Variants in KCNK12 observed in about 807,000 individuals in gnomAD.
KCNK12 encodes the protein potassium two pore domain channel subfamily K member 12.
A neutral mutation model predicts 25.3 loss-of-function variants in KCNK12; 6 were observed. The observed-to-expected ratio is 0.24, with a 90% CI of 0.13 to 0.47. KCNK12 has a LOEUF of 0.47. KCNK12 is among the 20% of genes least tolerant of loss of function. The pLI, the probability that KCNK12 is intolerant of heterozygous loss-of-function variation, is 0.99. For synonymous variants in KCNK12, 331 were observed against 311.1 expected, an observed-to-expected ratio of 1.06 and a Z score of -0.67; for missense variants, 444 against 661.7, an observed-to-expected ratio of 0.67 and a Z score of 3.61.
At chr2:47,536,330 C>A (rs531203392) in intron 1 of KCNK12, among the ~76,000 whole-genome samples, 4 of 152,170 alleles carry the variant, frequency 2.6e-5, no homozygotes, top group South Asian at 2.1e-4. Context: ...AGAGATTTAA[C>A]CCTTTGTGTT....
chr2:47,543,258 AT>A lies in KCNK12; in HGVS notation c.392-21451del, dbSNP rs75714215. ...CACCACAACAAGCACAGACACCTACATTTTTTTTTTTTTTTTTAGCTTTGAT... is the reference window on the plus strand; with the variant it reads ...CACCACAACAAGCACAGACACCTACATTTTTTTTTTTTTTTTAGCTTTGAT... On this transcript the variant is annotated intron_variant, in intron 1 of 1. Coordinates refer to ENST00000327876, the MANE Select transcript of KCNK12 (RefSeq NM_022055.2). 966 of 133,026 alleles carry A rather than the reference AT, an allele frequency of 7.3e-3. 3 individuals are homozygous for A. The highest frequency in any genetic ancestry group is 0.019 in the South Asian group (77 of 4,088). 8.2% of individuals were successfully genotyped at this position (133,026 alleles called of 1,614,324 possible).
rs1669795132 is a variant in KCNK12 at position 47,566,783 on chromosome 2, T to C, written c.391+3158A>G. On this transcript the variant is annotated intron_variant, in intron 1 of 1. Transcript: ENST00000327876. The surrounding 1 kb of genome is among the most constrained non-coding windows in gnomAD (Gnocchi z 4.1). ...CTCAAACAAGAACGTTCCCACCAAT[T>C]ATATGCATGAAATTGGTGGATATTG... 6.6e-6 allele frequency: 1 copy of C among 152,136 alleles called. No homozygotes were observed. The highest frequency in any genetic ancestry group is 1.5e-5 in the Non-Finnish European group (1 of 68,028). 9.4% of individuals were successfully genotyped at this position (152,136 alleles called of 1,614,324 possible).
chr2:47,552,445 C>G (rs547827247), intron 1 of KCNK12, among the ~76,000 whole-genome samples: 1 of 152,138 alleles, frequency 6.6e-6, no homozygotes, highest in African/African-American at 2.4e-5. Context: ...ATGAGACATG[C>G]CCACAAATCT....
rs1669290898 is a variant in KCNK12, at chr2:47,545,327, G to T, written c.392-23519C>A. ...AGTTCAGGGTCTTGCTGACTAGTTT[G>T]GCTGGAGGAAAGGCTGCAGTGAGGG... is the stretch of plus-strand genomic sequence containing the variant. On this transcript the variant is annotated intron_variant, in intron 1 of 1. Coordinates refer to ENST00000327876, the MANE Select transcript of KCNK12 (RefSeq NM_022055.2). Among the ~76,000 whole-genome samples, 3 of 152,188 alleles carry T rather than the reference G, an allele frequency of 2.0e-5. No individual in the cohort carries two copies. The South Asian group carries it at 6.2e-4, about 32-fold the overall frequency.
Position 47,556,613 on chromosome 2 carries a change from G to A in KCNK12, c.391+13328C>T, listed in dbSNP as rs1272903203. Among the ~76,000 whole-genome samples, 4 of 152,170 alleles carry A rather than the reference G, an allele frequency of 2.6e-5. No homozygotes were observed. Among genetic ancestry groups the A allele is most frequent in the Non-Finnish European group, 5.9e-5 (4 of 68,038 alleles). ...ATTCAGCTGCTTGAGGGCAGATGAAGAATACGTGGGAAGTTGGTATTTTGA... is the reference window on the plus strand; with the variant it reads ...ATTCAGCTGCTTGAGGGCAGATGAAAAATACGTGGGAAGTTGGTATTTTGA... On this transcript the variant is annotated intron_variant, in intron 1 of 1. Coordinates refer to ENST00000327876, the MANE Select transcript of KCNK12 (RefSeq NM_022055.2). This position sits in a 1 kb window ranked among gnomAD's most constrained non-coding sequence, Gnocchi z 4.8.
rs1197316369 is a variant in KCNK12 at position 47,528,599 on chromosome 2, C to A, written c.392-6791G>T. On this transcript the variant is annotated intron_variant, in intron 1 of 1. Coordinates refer to ENST00000327876, the MANE Select transcript of KCNK12 (RefSeq NM_022055.2). The surrounding 1 kb of genome is among the most constrained non-coding windows in gnomAD (Gnocchi z 4.5). ...CCACCCTGAGAATCTCCTCCTCCCC[C>A]TCAATCACACCCTGCAGAGGCGTGA... Among the ~76,000 whole-genome samples, 1 of 152,236 alleles carries A rather than the reference C, an allele frequency of 6.6e-6. No individual in the cohort carries two copies. Among genetic ancestry groups the A allele is most frequent in the Admixed American group, 6.5e-5 (1 of 15,290 alleles).
chr2:47,534,517 C>G (rs936506010), intron 1 of KCNK12, among the ~76,000 whole-genome samples: 1 of 99,616 alleles, frequency 1.0e-5, no homozygotes, highest in Admixed American at 1.1e-4. Flanking sequence ...CCCTTCTAAC[C>G]CCCCCCCCCG....
intron 1 of KCNK12, among the ~76,000 whole-genome samples, chr2:47,544,525 G>T (rs1370136841): frequency 6.6e-6 from 1 of 152,240 alleles, no homozygotes; most frequent in Non-Finnish European, 1.5e-5. Context: ...GTACTTTCTT[G>T]TCTAACTCAT....
intron 1 of KCNK12, among the ~76,000 whole-genome samples, chr2:47,558,637 C>T (rs1669598623): frequency 6.6e-6 from 1 of 152,172 alleles, no homozygotes; most frequent in Non-Finnish European, 1.5e-5. Flanking sequence ...ACGAGGCGCT[C>T]AGAATTCAGA....
In KCNK12 at chr2:47,570,429, C is replaced by T; in HGVS notation, c.-98G>A. The T allele has an allele frequency of 1.7e-6, 2 of 1,166,028 alleles. No homozygotes were observed. Among genetic ancestry groups the T allele is most frequent in the South Asian group, 4.2e-5 (1 of 23,550 alleles). The allele number at this position is 1,166,028 out of a possible 1,614,324, so 72.2% of individuals were successfully genotyped here. ...GAGCGTGAGGATGGTGGCCAGGGGT[C>T]CGGGGCCGCCGCGGAGCCCCTCGCC... On this transcript the variant is annotated 5_prime_UTR_variant, in exon 1 of 2. Transcript: ENST00000327876.
chr2:47,570,456 C>T lies in KCNK12; in HGVS notation c.-125G>A. On this transcript the variant is annotated 5_prime_UTR_variant, in exon 1 of 2. Coordinates refer to ENST00000327876, the MANE Select transcript of KCNK12 (RefSeq NM_022055.2). ...GGGGCCGCCGCGGAGCCCCTCGCCG[C>T]CTTCGCAGAGCCCCTCGTCGCCTTC... The T allele has an allele frequency of 9.9e-7, 1 of 1,012,354 alleles. No individual in the cohort carries two copies. The highest frequency in any genetic ancestry group is 5.0e-5 in the South Asian group (1 of 20,086). The allele number at this position is 1,012,354 out of a possible 1,614,324, so 62.7% of individuals were successfully genotyped here.
chr2:47,560,364 C>T lies in KCNK12; in HGVS notation c.391+9577G>A, dbSNP rs1277067440. Among the ~76,000 whole-genome samples, 1 of 152,218 alleles carries T rather than the reference C, an allele frequency of 6.6e-6. No individual in the cohort carries two copies. The highest frequency in any genetic ancestry group is 1.5e-5 in the Non-Finnish European group (1 of 68,040). ...CGAAGGATGGGAAGCAGGCAGCCCT[C>T]GCTTTAGTGTAGCCACTGACACTGC... On this transcript the variant is annotated intron_variant, in intron 1 of 1. Transcript: ENST00000327876. This position sits in a 1 kb window ranked among gnomAD's most constrained non-coding sequence, Gnocchi z 4.7.
chr2:47,511,141 A>G lies in KCNK12; in HGVS notation c.*9766T>C, dbSNP rs1668393450. ...ACAATACCAAACGAATGGACAGGAC[A>G]GAGCTGTGGGCTAGCAGGAAGGATA... On this transcript the variant is annotated 3_prime_UTR_variant, in exon 2 of 2. Coordinates refer to ENST00000327876, the MANE Select transcript of KCNK12 (RefSeq NM_022055.2). This position sits in a 1 kb window ranked among gnomAD's most constrained non-coding sequence, Gnocchi z 4.3. 6.6e-6 allele frequency among the ~76,000 whole-genome samples: 1 copy of G among 152,234 alleles called. No individual in the cohort carries two copies. The highest frequency in any genetic ancestry group is 1.5e-5 in the Non-Finnish European group (1 of 68,050).
intron 1 of KCNK12, among the ~76,000 whole-genome samples, chr2:47,526,418 A>AAG (rs1668777532): frequency 6.7e-6 from 1 of 149,720 alleles, no homozygotes; most frequent in African/African-American, 2.5e-5. Context: ...AAAAAAAAAA[A>AAG]AAGAGAAAGA....
Position 47,556,102 on chromosome 2 carries a change from C to T in KCNK12, c.391+13839G>A, listed in dbSNP as rs1239305204. On this transcript the variant is annotated intron_variant, in intron 1 of 1. Transcript: ENST00000327876. This position sits in a 1 kb window ranked among gnomAD's most constrained non-coding sequence, Gnocchi z 4.8. ...TTGACTACTCTTCTCAGAAGCTTTC[C>T]TGTAAAGGAGGGCAGAGAAATGGGA... Among the ~76,000 whole-genome samples, 2 of 152,096 alleles carry T rather than the reference C, an allele frequency of 1.3e-5. No individual in the cohort carries two copies.
chr2:47,539,128 A>G (rs912579034), intron 1 of KCNK12, among the ~76,000 whole-genome samples: 3 of 152,236 alleles, frequency 2.0e-5, no homozygotes, highest in East Asian at 3.8e-4. Flanking sequence ...CAGTAAAGAC[A>G]ATATCATCAT....
chr2:47,543,341 A>T (rs1205292587), intron 1 of KCNK12: 1 of 151,444 alleles, frequency 6.6e-6, no homozygotes, highest in African/African-American at 2.4e-5. Flanking sequence ...TGGTTTTAGG[A>T]ATCATTTTCA....
intron 1 of KCNK12, among the ~76,000 whole-genome samples, chr2:47,534,518 C>CCA (rs1424785204): frequency 1.7e-5 from 2 of 116,602 alleles, no homozygotes; most frequent in Non-Finnish European, 3.6e-5. Flanking sequence ...CCTTCTAACC[C>CCA]CCCCCCCCGC....
intron 1 of KCNK12, among the ~76,000 whole-genome samples, chr2:47,549,467 TAA>T (rs1204948250): frequency 3.3e-5 from 5 of 151,846 alleles, no homozygotes. Context: ...GACCCAGAAA[TAA>T]GAGAAAAATA....
Sources: allele counts gnomAD v4.1 joint callset (sites outside exome capture counted in the v4.1 genomes callset), GRCh38; gene constraint gnomAD v4.1.1; non-coding constraint Gnocchi (gnomAD v3.1); transcripts MANE v1.5; gene names NCBI Gene and HGNC (gene_info 2026-07-23, HGNC 2026-07-21).